ZP3: variants seen among roughly 807,000 people sequenced by gnomAD.
ZP3 encodes zona pellucida sperm-binding protein 3.
ZP3 carries 21 observed loss-of-function variants against 35.6 expected under a neutral mutation model. That is an observed-to-expected ratio of 0.59 (90% CI 0.42 to 0.85). The LOEUF is 0.85. Ranked by LOEUF, ZP3 falls within the 40% of genes least tolerant of loss-of-function variation. The pLI is 0.00. For missense variants in ZP3, 437 were observed against 536.5 expected, an observed-to-expected ratio of 0.81 and a Z score of 1.83; for synonymous variants, 207 against 214.5, an observed-to-expected ratio of 0.96 and a Z score of 0.31.
At chr7:76,412,986 G>A (rs1242849783) in intron 1 of ZP3, among the ~76,000 whole-genome samples, 1 of 89,582 alleles carries the variant, frequency 1.1e-5, no homozygotes, top group African/African-American at 3.7e-5. Flanking sequence ...TTTTTGAGAC[G>A]GAGTCTTTCT....
At chr7:76,433,761 T>C in intron 4 of ZP3, 114 bp downstream of exon 4, 3 of 1,231,420 alleles carry the variant, frequency 2.4e-6, no homozygotes, top group Non-Finnish European at 3.4e-6. Flanking sequence ...TACAGAGGCT[T>C]GATCTCTGCC....
At chr7:76,429,183 TGTG>T in intron 1 of ZP3, 1 of 311,852 alleles carries the variant, frequency 3.2e-6, no homozygotes, top group Non-Finnish European at 6.3e-6. Flanking sequence ...CCAGTCTGCC[TGTG>T]GTGGTGTCAA....
chr7:76,424,151 AG>A (rs2115878281), upstream of ZP3, among the ~76,000 whole-genome samples: 1 of 152,260 alleles, frequency 6.6e-6, no homozygotes, highest in East Asian at 1.9e-4. Context: ...TCTTCAATCA[AG>A]GGCTTTCTCC....
chr7:76,441,896 G>T lies in ZP3; in HGVS notation c.1115G>T (p.Gly372Val). Residue 372 changes from glycine (G) to valine (V), a missense_variant, in exon 8 of 8, where the codon GGT (glycine) becomes GTT (valine). Gly to Val is a moderately radical substitution (Grantham distance 109). Transcript: ENST00000394857. ...CCACTGATCTTCCTGGACAGGAGGG[G>T]TGACCATGAAGTAGAGCAGTGGGCT... is the stretch of plus-strand genomic sequence containing the variant. The part of the protein sequence containing the change: ...VGPLIFLDRR[G>V]DHEVEQWALP... The T allele has an allele frequency of 6.2e-7, 1 of 1,610,288 alleles. No individual in the cohort carries two copies. The highest frequency in any genetic ancestry group is 8.5e-7 in the Non-Finnish European group (1 of 1,177,678).
At chr7:76,422,631 A>G (rs1429462381), upstream of ZP3, among the ~76,000 whole-genome samples, 4 of 149,340 alleles carry the variant, frequency 2.7e-5, no homozygotes, top group African/African-American at 5.0e-5. Context: ...GTGAGCTGAG[A>G]TCGCGCCACT....
intron 1 of ZP3, among the ~76,000 whole-genome samples, chr7:76,402,051 A>AGTCT (rs1804847414): frequency 6.6e-6 from 1 of 151,592 alleles, no homozygotes; most frequent in African/African-American, 2.4e-5. Context: ...ACAGTGTCTC[A>AGTCT]GTCTGTCACC....
At chr7:76,401,687 G>T (rs1804834711) in intron 1 of ZP3, among the ~76,000 whole-genome samples, 1 of 152,208 alleles carries the variant, frequency 6.6e-6, no homozygotes, top group African/African-American at 2.4e-5. Flanking sequence ...AAAGTGCTGG[G>T]ATTATAGGTG....
intron 2 of ZP3, among the ~76,000 whole-genome samples, chr7:76,430,564 C>A (rs2115904745): frequency 6.6e-6 from 1 of 152,258 alleles, no homozygotes; most frequent in South Asian, 2.1e-4. Flanking sequence ...TGAAACCCAT[C>A]TCTACTAAAA....
chr7:76,424,320 A>G (rs1318516403), upstream of ZP3, among the ~76,000 whole-genome samples: 1 of 152,168 alleles, frequency 6.6e-6, no homozygotes, highest in East Asian at 1.9e-4. Context: ...ATGGGGATTT[A>G]CAAGCTAAAA....
chr7:76,432,594 G>T (rs1805863755), intron 2 of ZP3, among the ~76,000 whole-genome samples: 1 of 152,072 alleles, frequency 6.6e-6, no homozygotes. Context: ...GGGATTACAG[G>T]CATGAGCCAC....
chr7:76,423,025 G>GAGAGACAGAAAGAA (rs1278384225), upstream of ZP3, among the ~76,000 whole-genome samples: 3 of 75,806 alleles, frequency 4.0e-5, no homozygotes, highest in African/African-American at 1.5e-4. Context: ...GAGAGAGAGA[G>GAGAGACAGAAAGAA]AGAAAGAAAG....
chr7:76,429,638 G>C lies in ZP3; in HGVS notation c.431+5G>C. On this transcript the variant is annotated splice_donor_5th_base_variant and intron_variant, in intron 2 of 7. Coordinates refer to ENST00000394857, the MANE Select transcript of ZP3 (RefSeq NM_001110354.2). ...CATCGAGTGCCGCTACCCCAGGTCG[G>C]TGTGGGACTGACTCATGGCCCCTGG... 6.2e-7 allele frequency: 1 copy of C among 1,612,772 alleles called. No homozygotes were observed. Among genetic ancestry groups the C allele is most frequent in the Non-Finnish European group, 8.5e-7 (1 of 1,178,874 alleles).
chr7:76,405,323 T>TTTCTTTCTTTC (rs1554622698), intron 1 of ZP3, among the ~76,000 whole-genome samples: 6 of 29,176 alleles, frequency 2.1e-4, no homozygotes, highest in Admixed American at 6.7e-4. Context: ...ATATGTATTT[T>TTTCTTTCTTTC]TTTCTTTCTT....
chr7:76,430,452 G>A (rs1259743912), intron 2 of ZP3, among the ~76,000 whole-genome samples: 3 of 152,058 alleles, frequency 2.0e-5, no homozygotes, highest in Admixed American at 2.0e-4. Flanking sequence ...ATAAGATGAT[G>A]CGGCCAGGTA....
At chr7:76,400,885 C>T (rs1804802099) in intron 1 of ZP3, 1 of 1,353,516 alleles carries the variant, frequency 7.4e-7, no homozygotes, top group South Asian at 1.3e-5. Flanking sequence ...TACAGCTCCC[C>T]TGAGATGGGG....
chr7:76,425,231 G>A lies in ZP3; in HGVS notation c.267G>A (p.Val89=), dbSNP rs1805616056. 6.2e-7 allele frequency: 1 copy of A among 1,613,550 alleles called. No individual in the cohort carries two copies. The highest frequency in any genetic ancestry group is 2.2e-5 in the East Asian group (1 of 44,872). Residue 89 remains valine, a synonymous_variant, in exon 1 of 8, where the codon GTG becomes GTA. Coordinates refer to ENST00000394857, the MANE Select transcript of ZP3 (RefSeq NM_001110354.2). ...TGGTCTCCATGGACACAGAAGATGT[G>A]GTCAGGTTTGAGGTTGGACTCCACG... The part of the protein sequence containing the change: ...EPLVSMDTED[V]VRFEVGLHEC...
At chr7:76,427,227 C>T (rs1805693601) in intron 1 of ZP3, among the ~76,000 whole-genome samples, 1 of 152,094 alleles carries the variant, frequency 6.6e-6, no homozygotes, top group Non-Finnish European at 1.5e-5. Flanking sequence ...TGAGAATCAC[C>T]TGCGGCTGGC....
At chr7:76,404,121 A>G (rs900288263) in intron 1 of ZP3, among the ~76,000 whole-genome samples, 9 of 152,082 alleles carry the variant, frequency 5.9e-5, no homozygotes, top group African/African-American at 2.2e-4. Context: ...TGTCACCTCC[A>G]GTACTGAGCC....
intron 5 of ZP3, among the ~76,000 whole-genome samples, chr7:76,435,735 T>C (rs1805977082): frequency 9.9e-6 from 1 of 101,458 alleles, no homozygotes; most frequent in Admixed American, 9.6e-5. Flanking sequence ...CACCAGCATT[T>C]TTTTTTTTTT....
Sources: gnomAD v4.1 joint callset for allele counts (sites outside exome capture counted in the v4.1 genomes callset) on GRCh38, gnomAD v4.1.1 for gene constraint, MANE v1.5 for transcripts, NCBI Gene and HGNC (gene_info 2026-07-23, HGNC 2026-07-21) for gene names.